NCKAP5: variants seen among roughly 807,000 people sequenced by gnomAD.
NCKAP5 encodes NCK associated protein 5, also known as nck-associated protein 5.
Under a neutral mutation model 167.0 loss-of-function variants are expected in NCKAP5, and 92 were observed. That is an observed-to-expected ratio of 0.55 (90% CI 0.47 to 0.66). The LOEUF is 0.66. NCKAP5 is among the 30% of genes least tolerant of loss of function. NCKAP5 has a pLI of 0.00. For missense variants in NCKAP5, 2,378 were observed against 2,315.0 expected (o/e 1.03, Z -0.56); for synonymous variants, 891 against 877.4 (o/e 1.02, Z -0.27).
intron 6 of NCKAP5, among the ~76,000 whole-genome samples, chr2:133,030,622 G>T (rs2078849389): frequency 6.6e-6 from 1 of 151,794 alleles, no homozygotes; most frequent in South Asian, 2.1e-4. Context: ...TTGACATGTG[G>T]AAATCTTAAG....
At chr2:133,242,812 C>T (rs2087782415) in intron 4 of NCKAP5, among the ~76,000 whole-genome samples, 1 of 152,198 alleles carries the variant, frequency 6.6e-6, no homozygotes, top group African/African-American at 2.4e-5. Flanking sequence ...CTCCTCCTCT[C>T]ATATCTTGCA....
chr2:133,307,071 C>A (rs1202940437), intron 3 of NCKAP5, among the ~76,000 whole-genome samples: 3 of 152,192 alleles, frequency 2.0e-5, no homozygotes, highest in African/African-American at 7.2e-5. Flanking sequence ...CAACTTCCTA[C>A]CTCATTCAGC....
intron 5 of NCKAP5, among the ~76,000 whole-genome samples, chr2:133,176,979 C>T (rs1036641613): frequency 6.6e-6 from 1 of 151,974 alleles, no homozygotes. Flanking sequence ...TGTGTTATTA[C>T]ATAAGCCCTC....
intron 6 of NCKAP5, among the ~76,000 whole-genome samples, chr2:133,100,229 C>T (rs546809921): frequency 6.6e-6 from 1 of 152,334 alleles, no homozygotes; most frequent in Non-Finnish European, 1.5e-5. Flanking sequence ...CTATGGTCAA[C>T]CACTTGATCT....
intron 8 of NCKAP5, among the ~76,000 whole-genome samples, chr2:132,943,972 G>A (rs1697499390): frequency 6.6e-6 from 1 of 152,194 alleles, no homozygotes; most frequent in African/African-American, 2.4e-5. Flanking sequence ...AGGGGACAGA[G>A]GAATGAGAGT....
chr2:133,319,359 G>T (rs1407568938), intron 3 of NCKAP5, among the ~76,000 whole-genome samples: 3 of 152,140 alleles, frequency 2.0e-5, no homozygotes, highest in African/African-American at 7.2e-5. Flanking sequence ...CAGCTGCCCT[G>T]CTGTGAAGCC....
intron 3 of NCKAP5, among the ~76,000 whole-genome samples, chr2:133,356,682 GA>G (rs1339952194): frequency 6.6e-6 from 1 of 152,184 alleles, no homozygotes; most frequent in East Asian, 1.9e-4. Flanking sequence ...GAAACTTTGA[GA>G]AAGCCCAATA....
At chr2:133,127,799 A>G (rs977903522) in intron 6 of NCKAP5, among the ~76,000 whole-genome samples, 2 of 152,188 alleles carry the variant, frequency 1.3e-5, no homozygotes, top group Non-Finnish European at 2.9e-5. Context: ...GTTGGTTAGG[A>G]GACACAAAGG....
At chr2:133,546,519 G>T (rs912036604) in intron 2 of NCKAP5, among the ~76,000 whole-genome samples, 10 of 152,148 alleles carry the variant, frequency 6.6e-5, no homozygotes, top group African/African-American at 2.2e-4. Flanking sequence ...ATCACGCGAT[G>T]TGTGCTTTGA....
chr2:132,954,392 A>C (rs2076281345), intron 8 of NCKAP5, among the ~76,000 whole-genome samples: 1 of 152,176 alleles, frequency 6.6e-6, no homozygotes, highest in African/African-American at 2.4e-5. Context: ...TTTGGTTCTT[A>C]AATAAGAAAT....
At chr2:132,706,047 C>T (rs1688326080) in intron 19 of NCKAP5, among the ~76,000 whole-genome samples, 1 of 152,068 alleles carries the variant, frequency 6.6e-6, no homozygotes, top group Non-Finnish European at 1.5e-5. Flanking sequence ...ATACAACATA[C>T]ATATATATAC....
intron 8 of NCKAP5, among the ~76,000 whole-genome samples, chr2:132,929,632 T>A (rs10166558): frequency 0.093 from 14,070 of 152,090 alleles, 1,927 homozygotes; most frequent in African/African-American, 0.29. Flanking sequence ...TTCTTTAGGG[T>A]CTAGGAGCAA....
intron 7 of NCKAP5, among the ~76,000 whole-genome samples, chr2:132,987,527 A>T (rs1325897596): frequency 6.6e-6 from 1 of 152,238 alleles, no homozygotes; most frequent in African/African-American, 2.4e-5. Context: ...GTTCAGTTAG[A>T]TCACTTTAAA....
At chr2:132,789,968 A>C (rs958547497) in intron 13 of NCKAP5, 55 bp downstream of exon 13, 4 of 1,521,568 alleles carry the variant, frequency 2.6e-6, no homozygotes, top group Non-Finnish European at 3.5e-6. Flanking sequence ...TCCATGACCA[A>C]ATCCTACCAG....
At chr2:133,049,085 C>A (rs2079509763) in intron 6 of NCKAP5, among the ~76,000 whole-genome samples, 1 of 152,150 alleles carries the variant, frequency 6.6e-6, no homozygotes, top group African/African-American at 2.4e-5. Context: ...AAAGAGACAT[C>A]AGATTTCAAA....
At chr2:133,363,485 A>C (rs1685258097) in intron 3 of NCKAP5, among the ~76,000 whole-genome samples, 1 of 152,362 alleles carries the variant, frequency 6.6e-6, no homozygotes, top group Admixed American at 6.5e-5. Flanking sequence ...ATAAACAACT[A>C]GGATGTTTCA....
chr2:133,151,653 T>C (rs563388574), intron 5 of NCKAP5, among the ~76,000 whole-genome samples: 1 of 152,198 alleles, frequency 6.6e-6, no homozygotes, highest in Non-Finnish European at 1.5e-5. Flanking sequence ...CAACAGGAAC[T>C]CTCATTCACT....
intron 11 of NCKAP5, among the ~76,000 whole-genome samples, chr2:132,817,584 A>C (rs1686376260): frequency 6.6e-6 from 1 of 152,230 alleles, no homozygotes; most frequent in African/African-American, 2.4e-5. Flanking sequence ...GGTGAATTCT[A>C]AGAGCAACTC....
chr2:133,053,960 T>A (rs1190409916), intron 6 of NCKAP5, among the ~76,000 whole-genome samples: 1 of 152,162 alleles, frequency 6.6e-6, no homozygotes, highest in African/African-American at 2.4e-5. Context: ...CCATTAGAAA[T>A]TCAAATTCAA....
Sources: allele counts gnomAD v4.1 joint callset (sites outside exome capture counted in the v4.1 genomes callset), GRCh38; gene constraint gnomAD v4.1.1; transcripts MANE v1.5; gene names NCBI Gene and HGNC (gene_info 2026-07-23, HGNC 2026-07-21).